Variants in HPCAL4 observed in about 807,000 individuals in gnomAD.
HPCAL4 encodes hippocalcin-like protein 4.
Under a neutral mutation model 18.2 loss-of-function variants are expected in HPCAL4, and 16 were observed. The ratio of observed to expected loss-of-function variants is 0.88; its 90% CI spans 0.59 to 1.33. The LOEUF is 1.33. HPCAL4 is among the 40% of genes most tolerant of loss of function. HPCAL4 has a pLI of 0.00. For missense variants in HPCAL4, 214 were observed against 256.6 expected (o/e 0.83, Z 1.14); for synonymous variants, 80 against 97.5 (o/e 0.82, Z 1.06).
Position 39,681,710 on chromosome 1 carries a change from TAATAA to T in HPCAL4, c.*821_*825del, listed in dbSNP as rs1646627821. ...TAGAGTATATTTTAACCTCCTGAAATAATAAAATGACTGTAGCTCCTTTAAAGGGT... is the reference window on the plus strand; with the variant it reads ...TAGAGTATATTTTAACCTCCTGAAATAATGACTGTAGCTCCTTTAAAGGGT... On this transcript the variant is annotated 3_prime_UTR_variant, in exon 4 of 4. Coordinates refer to ENST00000372844, the MANE Select transcript of HPCAL4 (RefSeq NM_016257.4). 1 of 152,206 alleles carries T rather than the reference TAATAA, an allele frequency of 6.6e-6. No homozygotes were observed. The highest frequency in any genetic ancestry group is 1.5e-5 in the Non-Finnish European group (1 of 68,050). The allele number at this position is 152,206 out of a possible 1,614,324, so 9.4% of individuals were successfully genotyped here. A position where few individuals can be genotyped will look rare whatever the true frequency, so the allele number is the denominator to read the frequency against.
intron 1 of HPCAL4, among the ~76,000 whole-genome samples, chr1:39,689,405 T>G (rs1646701247): frequency 6.6e-6 from 1 of 152,160 alleles, no homozygotes; most frequent in African/African-American, 2.4e-5. Flanking sequence ...CCCTTCTTCC[T>G]CCCTGGATCT....
intron 1 of HPCAL4, among the ~76,000 whole-genome samples, chr1:39,688,198 C>A (rs576385581): frequency 2.6e-5 from 4 of 152,290 alleles, no homozygotes; most frequent in Admixed American, 2.0e-4. Context: ...CGCAGTGGAA[C>A]CATCTGGGGC....
At position 39,682,480 on chromosome 1, in the gene HPCAL4, C is replaced by G; in HGVS notation, c.*56G>C. On this transcript the variant is annotated 3_prime_UTR_variant, in exon 4 of 4. Coordinates refer to ENST00000372844, the MANE Select transcript of HPCAL4 (RefSeq NM_016257.4). ...CTGGGAGGCCAGCCAGAGAGGTCAT[C>G]AGGTTGGGAGGTGGCCATGCCCCTT... 1 of 1,565,184 alleles carries G rather than the reference C, an allele frequency of 6.4e-7. No individual in the cohort carries two copies. The highest frequency in any genetic ancestry group is 8.8e-7 in the Non-Finnish European group (1 of 1,138,106).
At chr1:39,684,275 C>G in intron 2 of HPCAL4, 123 bp from the exon 3 acceptor site, 1 of 1,070,070 alleles carries the variant, frequency 9.3e-7, no homozygotes. Flanking sequence ...TTGCCCCCGC[C>G]ACCCCGGGTG....
intron 2 of HPCAL4, 102 bp downstream of exon 2, chr1:39,684,340 C>A: frequency 2.2e-6 from 3 of 1,339,752 alleles, no homozygotes; most frequent in Non-Finnish European, 3.0e-6. Context: ...CCGGGTGCCT[C>A]GCCTCTTCTC....
rs924251568 is a variant in HPCAL4 at position 39,681,296 on chromosome 1, G to A, written c.*1240C>T. On this transcript the variant is annotated 3_prime_UTR_variant, in exon 4 of 4. Transcript: ENST00000372844. ...GTCTGGGTGCCTAAACAGTGGCCAG[G>A]TGAGCCTTTTCTTCTAGCTCTTTCT... 1.3e-5 allele frequency: 2 copies of A among 152,208 alleles called. No individual in the cohort carries two copies. The highest frequency in any genetic ancestry group is 3.8e-4 in the East Asian group (2 of 5,202). The allele number at this position is 152,208 out of a possible 1,614,324, so 9.4% of individuals were successfully genotyped here. A position where few individuals can be genotyped will look rare whatever the true frequency, so the allele number is the denominator to read the frequency against.
In HPCAL4 at chr1:39,679,452, A is replaced by T. The variant is rs2124178385; in HGVS notation, c.*3084T>A. 1 of 152,382 alleles carries T rather than the reference A, an allele frequency of 6.6e-6. No individual in the cohort carries two copies. Among genetic ancestry groups the T allele is most frequent in the South Asian group, 2.1e-4 (1 of 4,828 alleles). The allele number at this position is 152,382 out of a possible 1,614,324, so 9.4% of individuals were successfully genotyped here. A position where few individuals can be genotyped will look rare whatever the true frequency, so the allele number is the denominator to read the frequency against. On this transcript the variant is annotated 3_prime_UTR_variant, in exon 4 of 4. Coordinates refer to ENST00000372844, the MANE Select transcript of HPCAL4 (RefSeq NM_016257.4). The stretch of plus-strand genomic sequence containing the variant: ...GATGCTCATCAATTAGCCCAAAAGG[A>T]TGAATGAGGGTAGAGTATGTGAGAA...
At position 39,684,512 on chromosome 1, in the gene HPCAL4, T is replaced by C; in HGVS notation, c.92A>G (p.Tyr31Cys). Residue 31 changes from tyrosine to cysteine, a missense_variant, in exon 2 of 4, where the codon TAC (tyrosine) becomes TGC (cysteine). Coordinates refer to ENST00000372844, the MANE Select transcript of HPCAL4 (RefSeq NM_016257.4). ...GGGGCAGTCCTTCAGGAAGCCCTTG[T>C]ACCACTGCTTCAGCTCCTGCTCGCT... ...EFSEQELKQWYKGFLKDCPSG... is the reference protein window; with the variant it reads ...EFSEQELKQWCKGFLKDCPSG... 6.2e-7 allele frequency: 1 copy of C among 1,613,788 alleles called. No homozygotes were observed. The highest frequency in any genetic ancestry group is 8.5e-7 in the Non-Finnish European group (1 of 1,179,826).
rs371425492 is a variant in HPCAL4, at chr1:39,684,114, G to T, written c.201C>A (p.His67Gln). The change falls in exon 3 of 4, where the codon CAC (histidine) becomes CAA (glutamine). Residue 67 changes from histidine to glutamine, a missense_variant. Coordinates refer to ENST00000372844, the MANE Select transcript of HPCAL4 (RefSeq NM_016257.4). ...PYGDASKFAQ[H>Q]AFRTFDKNGD... ...CGTTCTTGTCGAAGGTGCGGAAAGC[G>T]TGCTGCGCGAACTTGGAGGCGTCGC... 1.2e-6 allele frequency: 2 copies of T among 1,613,908 alleles called. No homozygotes were observed. The highest frequency in any genetic ancestry group is 1.7e-6 in the Non-Finnish European group (2 of 1,179,882).
Position 39,682,381 on chromosome 1 carries a change from T to C in HPCAL4, c.*155A>G, listed in dbSNP as rs1570471743. On this transcript the variant is annotated 3_prime_UTR_variant, in exon 4 of 4. Transcript: ENST00000372844. ...GCAGGGTGAGGTGGTCCCTCAAAGA[T>C]CTTGATGGAGGGGAGGAAGGGCTTG... 7 of 647,876 alleles carry C rather than the reference T, an allele frequency of 1.1e-5. No homozygotes were observed. In the East Asian group the frequency reaches 1.9e-4, roughly 18 times the overall value. The allele number at this position is 647,876 out of a possible 1,614,324, so 40.1% of individuals were successfully genotyped here. A position where few individuals can be genotyped will look rare whatever the true frequency, so the allele number is the denominator to read the frequency against.
chr1:39,686,216 T>C (rs954025736), intron 1 of HPCAL4, among the ~76,000 whole-genome samples: 1 of 142,534 alleles, frequency 7.0e-6, no homozygotes, highest in Non-Finnish European at 1.5e-5. Flanking sequence ...CTGAGTGTGG[T>C]GGTGCATGCC....
intron 1 of HPCAL4, among the ~76,000 whole-genome samples, chr1:39,689,240 A>G (rs983383053): frequency 1.3e-5 from 2 of 152,042 alleles, no homozygotes; most frequent in Non-Finnish European, 2.9e-5. Context: ...CCATGAGAGC[A>G]GGGGTTTTTT....
Position 39,684,078 on chromosome 1 carries a change from G to A in HPCAL4, c.237C>T (p.Thr79=). ...FRTFDKNGDG[T]IDFREFICAL... Reference sequence around the variant, plus strand: ...CGCAGATGAACTCCCGGAAGTCGATGGTGCCGTCGCCGTTCTTGTCGAAGG... The same window carrying A: ...CGCAGATGAACTCCCGGAAGTCGATAGTGCCGTCGCCGTTCTTGTCGAAGG... The change falls in exon 3 of 4, where the codon ACC becomes ACT. Residue 79 remains threonine, a synonymous_variant. Coordinates refer to ENST00000372844, the MANE Select transcript of HPCAL4 (RefSeq NM_016257.4). The A allele has an allele frequency of 6.2e-7, 1 of 1,614,006 alleles. No homozygotes were observed. Among genetic ancestry groups the A allele is most frequent in the Non-Finnish European group, 8.5e-7 (1 of 1,179,904 alleles).
At chr1:39,688,336 T>C (rs1449858259) in intron 1 of HPCAL4, among the ~76,000 whole-genome samples, 3 of 152,120 alleles carry the variant, frequency 2.0e-5, no homozygotes, top group Non-Finnish European at 2.9e-5. Flanking sequence ...CCCTTCCTTC[T>C]CTCCCTCATC....
At position 39,679,086 on chromosome 1, in the gene HPCAL4, CCT is replaced by C. The variant is rs1435388835; in HGVS notation, c.*3448_*3449del. The stretch of plus-strand genomic sequence containing the variant: ...AGTGATCTCTAAAGTCAGCTCAAAG[CCT>C]CACCCAGGGTGGATCTTCAGGAAAT... On this transcript the variant is annotated 3_prime_UTR_variant, in exon 4 of 4. Transcript: ENST00000372844. 1 of 152,230 alleles carries C rather than the reference CCT, an allele frequency of 6.6e-6. No homozygotes were observed. Among genetic ancestry groups the C allele is most frequent in the Non-Finnish European group, 1.5e-5 (1 of 68,046 alleles). 9.4% of individuals were successfully genotyped at this position (152,230 alleles called of 1,614,324 possible).
intron 2 of HPCAL4, 22 bp downstream of exon 2, chr1:39,684,420 A>G: frequency 7.5e-7 from 1 of 1,331,988 alleles, no homozygotes. Context: ...TGGCTCCCTC[A>G]CACCAGGTGC....
At chr1:39,685,740 C>T (rs578244832) in intron 1 of HPCAL4, among the ~76,000 whole-genome samples, 4 of 151,368 alleles carry the variant, frequency 2.6e-5, no homozygotes, top group East Asian at 2.0e-4. Context: ...ATTAGCTGGG[C>T]GTCGTGGCAG....
In HPCAL4 at chr1:39,681,273, C is replaced by T. The variant is rs1231789514; in HGVS notation, c.*1263G>A. On this transcript the variant is annotated 3_prime_UTR_variant, in exon 4 of 4. Coordinates refer to ENST00000372844, the MANE Select transcript of HPCAL4 (RefSeq NM_016257.4). ...TAGGCATTTCGTCCATAAATTATGT[C>T]TGGGTGCCTAAACAGTGGCCAGGTG... 6.6e-6 allele frequency: 1 copy of T among 152,222 alleles called. No individual in the cohort carries two copies. Among genetic ancestry groups the T allele is most frequent in the Non-Finnish European group, 1.5e-5 (1 of 68,036 alleles). The allele number at this position is 152,222 out of a possible 1,614,324, so 9.4% of individuals were successfully genotyped here.
In HPCAL4 at chr1:39,678,909, T is replaced by C. The variant is rs995442655; in HGVS notation, c.*3627A>G. ...GGGCTATACACCCTGGCAGGCCCAGTCCTGCCCCCACACTCTGGCAAAGGT... is the reference window on the plus strand; with the variant it reads ...GGGCTATACACCCTGGCAGGCCCAGCCCTGCCCCCACACTCTGGCAAAGGT... On this transcript the variant is annotated 3_prime_UTR_variant, in exon 4 of 4. Transcript: ENST00000372844. 6.6e-6 allele frequency: 1 copy of C among 152,148 alleles called. No homozygotes were observed. Among genetic ancestry groups the C allele is most frequent in the Admixed American group, 6.5e-5 (1 of 15,282 alleles). 9.4% of individuals were successfully genotyped at this position (152,148 alleles called of 1,614,324 possible). A position where few individuals can be genotyped will look rare whatever the true frequency, so the allele number is the denominator to read the frequency against.
Sources: gnomAD v4.1 joint callset for allele counts (sites outside exome capture counted in the v4.1 genomes callset) on GRCh38, gnomAD v4.1.1 for gene constraint, MANE v1.5 for transcripts, NCBI Gene and HGNC (gene_info 2026-07-23, HGNC 2026-07-21) for gene names.